Variants in TBC1D30 observed in about 807,000 individuals in gnomAD.
TBC1D30 encodes TBC1 domain family member 30, also known as TBC1 domain family, member 30.
Under a neutral mutation model 63.2 loss-of-function variants are expected in TBC1D30, and 31 were observed. That is an observed-to-expected ratio of 0.49 (90% CI 0.37 to 0.66). The LOEUF (loss-of-function observed/expected upper bound fraction) is 0.66. Ranked by LOEUF, TBC1D30 falls within the 30% of genes least tolerant of loss-of-function variation. The pLI, the probability that TBC1D30 is intolerant of heterozygous loss-of-function variation, is 0.00. For synonymous variants in TBC1D30, 307 were observed against 361.5 expected, an observed-to-expected ratio of 0.85 and a Z score of 1.71; for missense variants, 810 against 953.6, an observed-to-expected ratio of 0.85 and a Z score of 1.98.
Position 64,870,473 on chromosome 12 carries a change from G to A in TBC1D30, c.1292-129G>A, listed in dbSNP as rs1878564965. On this transcript the variant is annotated intron_variant, in intron 10 of 11. Transcript: ENST00000539867. ...ATAAGCACTAGACAAACTCTAGTAT[G>A]CGTTTTTTTCTGTGGTTTAGAATTT... The A allele has an allele frequency of 5.7e-6, 4 of 697,824 alleles. No individual in the cohort carries two copies. In the Admixed American group the frequency reaches 8.0e-5, roughly 14 times the overall value. 43.2% of individuals were successfully genotyped at this position (697,824 alleles called of 1,614,324 possible).
intron 2 of TBC1D30, among the ~76,000 whole-genome samples, chr12:64,804,295 T>C (rs1238317152): frequency 6.6e-6 from 1 of 152,194 alleles, no homozygotes; most frequent in Non-Finnish European, 1.5e-5. Flanking sequence ...TCTCTGTCTG[T>C]TATTGGTGTA....
At chr12:64,832,590 A>G (rs1874966902) in intron 5 of TBC1D30, among the ~76,000 whole-genome samples, 1 of 152,234 alleles carries the variant, frequency 6.6e-6, no homozygotes. Context: ...TGTTCAACAA[A>G]TTAGCTGCTT....
intron 2 of TBC1D30, among the ~76,000 whole-genome samples, chr12:64,807,917 A>C (rs367759677): frequency 4.0e-5 from 2 of 49,512 alleles, no homozygotes; most frequent in African/African-American, 1.9e-4. Context: ...GCCTAATTTA[A>C]GTTTTTTTTT....
intron 8 of TBC1D30, among the ~76,000 whole-genome samples, chr12:64,860,001 A>G (rs1877641870): frequency 6.6e-6 from 1 of 150,482 alleles, no homozygotes; most frequent in Non-Finnish European, 1.5e-5. Flanking sequence ...CTCCTCCAGT[A>G]CTAAAGATTC....
intron 2 of TBC1D30, among the ~76,000 whole-genome samples, chr12:64,817,623 C>T (rs151224652): frequency 5.9e-5 from 9 of 152,320 alleles, no homozygotes; most frequent in Middle Eastern, 3.4e-3. Context: ...TCTCCTTTTC[C>T]GGTACTTCCC....
upstream of TBC1D30, among the ~76,000 whole-genome samples, chr12:64,823,834 T>G (rs779744702): frequency 9.9e-5 from 15 of 152,108 alleles, no homozygotes; most frequent in Non-Finnish European, 1.8e-4. Context: ...ATAGTGTTAT[T>G]CCAGAGCCAA....
chr12:64,764,275 T>C (rs1199057072), intron 1 of TBC1D30, among the ~76,000 whole-genome samples: 1 of 152,242 alleles, frequency 6.6e-6, no homozygotes, highest in Non-Finnish European at 1.5e-5. Flanking sequence ...ATTGTTTTAG[T>C]AAAATAAGTT....
chr12:64,804,084 G>C (rs1872728749), intron 2 of TBC1D30, among the ~76,000 whole-genome samples: 1 of 152,194 alleles, frequency 6.6e-6, no homozygotes, highest in African/African-American at 2.4e-5. Flanking sequence ...ACCTTGGGCA[G>C]TATGGTCATT....
Position 64,875,884 on chromosome 12 carries a change from A to G in TBC1D30, c.*96A>G, listed in dbSNP as rs1254345567. On this transcript the variant is annotated 3_prime_UTR_variant, in exon 12 of 12. Coordinates refer to ENST00000539867, the MANE Select transcript of TBC1D30 (RefSeq NM_015279.2). Reference sequence around the variant, plus strand: ...AAAAGAGTTTTATTTGTCCAGTGAAAATGAATAGGTTCAGGGATGAGCAAC... The same window carrying G: ...AAAAGAGTTTTATTTGTCCAGTGAAGATGAATAGGTTCAGGGATGAGCAAC... 4 of 1,271,116 alleles carry G rather than the reference A, an allele frequency of 3.1e-6. No homozygotes were observed. In the African/African-American group the frequency reaches 6.0e-5, roughly 19 times the overall value. 78.7% of individuals were successfully genotyped at this position (1,271,116 alleles called of 1,614,324 possible). A position where few individuals can be genotyped will look rare whatever the true frequency, so the allele number is the denominator to read the frequency against.
intron 2 of TBC1D30, among the ~76,000 whole-genome samples, chr12:64,805,036 A>G (rs1022109510): frequency 1.3e-5 from 2 of 152,064 alleles, no homozygotes; most frequent in African/African-American, 4.8e-5. Context: ...CCCTGTCTCT[A>G]CTAAAAATAC....
At chr12:64,849,307 T>C (rs1466039464) in intron 8 of TBC1D30, among the ~76,000 whole-genome samples, 1 of 152,236 alleles carries the variant, frequency 6.6e-6, no homozygotes, top group Admixed American at 6.5e-5. Flanking sequence ...ATTTTGGCTT[T>C]TGTGGCCATT....
intron 2 of TBC1D30, among the ~76,000 whole-genome samples, chr12:64,793,381 C>T (rs570098488): frequency 6.6e-6 from 1 of 150,892 alleles, no homozygotes; most frequent in South Asian, 2.1e-4. Context: ...CGCAATGGCT[C>T]ATGCGTGTAA....
intron 8 of TBC1D30, among the ~76,000 whole-genome samples, chr12:64,850,185 G>C (rs941408492): frequency 6.6e-6 from 1 of 152,080 alleles, no homozygotes; most frequent in Admixed American, 6.6e-5. Flanking sequence ...GAGATGATGG[G>C]GTTTTCTAAA....
In TBC1D30 at chr12:64,824,653, G is replaced by T; in HGVS notation, c.-227G>T. ...TCGAGCGATCTCCTGCCTCAGCCTTGCAGGCTCCGCACTGCAGATGCCTGC... is the reference window on the plus strand; with the variant it reads ...TCGAGCGATCTCCTGCCTCAGCCTTTCAGGCTCCGCACTGCAGATGCCTGC... On this transcript the variant is annotated 5_prime_UTR_variant, in exon 1 of 12. Transcript: ENST00000539867. The T allele has an allele frequency of 2.1e-6, 1 of 485,572 alleles. No homozygotes were observed. 30.1% of individuals were successfully genotyped at this position (485,572 alleles called of 1,614,324 possible).
intron 3 of TBC1D30, among the ~76,000 whole-genome samples, chr12:64,829,510 G>C (rs1427326861): frequency 6.6e-6 from 1 of 152,138 alleles, no homozygotes; most frequent in African/African-American, 2.4e-5. Flanking sequence ...GTGTCTGTAC[G>C]TGTAGGTAGG....
At chr12:64,783,825 A>C (rs116542348) in intron 1 of TBC1D30, among the ~76,000 whole-genome samples, 3,155 of 148,744 alleles carry the variant, frequency 0.021, 114 homozygotes, top group African/African-American at 0.076. Context: ...TATTTCTAGA[A>C]GGAAAATGTT....
At chr12:64,815,223 A>G (rs1301376932) in intron 2 of TBC1D30, among the ~76,000 whole-genome samples, 3 of 152,208 alleles carry the variant, frequency 2.0e-5, no homozygotes, top group Admixed American at 6.5e-5. Flanking sequence ...TTTGAAATAC[A>G]ATGCCAATTC....
At chr12:64,860,441 A>G (rs1035486834) in intron 8 of TBC1D30, among the ~76,000 whole-genome samples, 9 of 151,700 alleles carry the variant, frequency 5.9e-5, no homozygotes, top group Non-Finnish European at 8.8e-5. Flanking sequence ...GGCATGAGCT[A>G]CTGCACCCGC....
At chr12:64,784,770 T>A (rs1871463935) in intron 1 of TBC1D30, among the ~76,000 whole-genome samples, 1 of 151,914 alleles carries the variant, frequency 6.6e-6, no homozygotes, top group African/African-American at 2.4e-5. Context: ...AAAACCTAGG[T>A]GATGGGTTGA....
Sources: allele counts gnomAD v4.1 joint callset (sites outside exome capture counted in the v4.1 genomes callset), GRCh38; gene constraint gnomAD v4.1.1; transcripts MANE v1.5; gene names NCBI Gene and HGNC (gene_info 2026-07-23, HGNC 2026-07-21).